Variants in ACAD10 observed in about 807,000 individuals in gnomAD.
The protein encoded by ACAD10 is acyl-CoA dehydrogenase family member 10.
Under a neutral mutation model 116.8 loss-of-function variants are expected in ACAD10, and 112 were observed. That is an observed-to-expected ratio of 0.96 (90% CI 0.82 to 1.12). ACAD10 has a LOEUF of 1.12. Among genes scored for constraint, ACAD10 ranks in the 50% most tolerant of loss-of-function variants. The pLI is 0.00. For synonymous variants in ACAD10, 486 were observed against 510.6 expected (o/e 0.95, Z 0.65); for missense variants, 1,259 against 1,350.2 (o/e 0.93, Z 1.06).
rs773387270 is a variant in ACAD10, at chr12:111,728,160, G to A, written c.1243+17G>A. The stretch of plus-strand genomic sequence containing the variant: ...GGAAGCAAGGTGAGCAGGAGGCCAC[G>A]TCTCCCATGCTGGTTGTTTCATCAC... On this transcript the variant is annotated intron_variant, in intron 9 of 20. Transcript: ENST00000313698. 41 of 1,580,454 alleles carry A rather than the reference G, an allele frequency of 2.6e-5. No homozygotes were observed. The highest frequency in any genetic ancestry group is 1.4e-4 in the South Asian group (12 of 85,608).
At chr12:111,707,510 T>G (rs1339453381) in intron 4 of ACAD10, among the ~76,000 whole-genome samples, 1 of 152,092 alleles carries the variant, frequency 6.6e-6, no homozygotes, top group Non-Finnish European at 1.5e-5. Flanking sequence ...CCTTTTAGAG[T>G]TGTGATGGAT....
chr12:111,706,226 G>A (rs964808064), intron 4 of ACAD10, among the ~76,000 whole-genome samples: 8 of 152,046 alleles, frequency 5.3e-5, no homozygotes, highest in South Asian at 2.1e-4. Context: ...CCCTCATATC[G>A]TAATGGATCC....
rs148107230 is a variant in ACAD10 at position 111,748,344 on chromosome 12, G to A, written c.2513G>A (p.Cys838Tyr). 1 of 1,614,108 alleles carries A rather than the reference G, an allele frequency of 6.2e-7. No homozygotes were observed. ...ATCCTGGATCCTCGTTGCCAACTCT[G>A]TGTGTTTATGGGAAAAACAGACCCA... ...TGILDPRCQL[C>Y]VFMGKTDPHA... is the part of the protein sequence containing the mutation. Residue 838 changes from cysteine to tyrosine, a missense_variant, in exon 17 of 21, where the codon TGT becomes TAT. Physicochemically the swap from Cys to Tyr is radical, Grantham distance 194. Transcript: ENST00000313698.
At chr12:111,748,209 G>A (rs1889970576) in intron 16 of ACAD10, 108 bp from the exon 17 acceptor site, 1 of 1,382,750 alleles carries the variant, frequency 7.2e-7, no homozygotes, top group African/African-American at 1.4e-5. Context: ...GCCTTAAAGA[G>A]CTCTGTCTGC....
intron 12 of ACAD10, among the ~76,000 whole-genome samples, chr12:111,740,782 C>CAAAAAAA (rs751899672): frequency 3.9e-5 from 2 of 51,034 alleles, no homozygotes; most frequent in African/African-American, 1.2e-4. Flanking sequence ...GACTCCATCT[C>CAAAAAAA]AAAAAAAAAA....
intron 3 of ACAD10, among the ~76,000 whole-genome samples, chr12:111,703,905 TTA>T (rs145548072): frequency 0.02 from 2,888 of 145,356 alleles, 80 homozygotes; most frequent in African/African-American, 0.058. Context: ...TTTCCACAAT[TTA>T]TATATATATA....
rs763049825 is a variant in ACAD10, at chr12:111,747,020, G to C, written c.2257-29G>C. The C allele has an allele frequency of 5.2e-6, 8 of 1,551,400 alleles. No homozygotes were observed. The South Asian group carries it at 9.8e-5, about 19-fold the overall frequency. On this transcript the variant is annotated intron_variant, in intron 14 of 20. Coordinates refer to ENST00000313698, the MANE Select transcript of ACAD10 (RefSeq NM_025247.6). ...GTTTTTTTTAGAAGAGGACATGACA[G>C]TCATGGTCACGCTCCTTTTCCTTCT...
chr12:111,704,367 C>G (rs1460519525), intron 3 of ACAD10, among the ~76,000 whole-genome samples: 2 of 152,070 alleles, frequency 1.3e-5, no homozygotes, highest in Non-Finnish European at 2.9e-5. Flanking sequence ...GTCTCGATCT[C>G]TTGACCTTGT....
intron 6 of ACAD10, among the ~76,000 whole-genome samples, chr12:111,714,339 C>G (rs1446400470): frequency 6.6e-6 from 1 of 152,096 alleles, no homozygotes; most frequent in African/African-American, 2.4e-5. Flanking sequence ...CACATTCCCC[C>G]CTCAGAAAAC....
intron 4 of ACAD10, among the ~76,000 whole-genome samples, chr12:111,708,164 A>G (rs1295298812): frequency 4.6e-5 from 7 of 152,190 alleles, no homozygotes; most frequent in Admixed American, 4.6e-4. Context: ...TTTGCCAAGA[A>G]AGTAATAGAA....
At chr12:111,734,404 G>C (rs1047133050) in intron 11 of ACAD10, among the ~76,000 whole-genome samples, 1 of 152,272 alleles carries the variant, frequency 6.6e-6, no homozygotes, top group African/African-American at 2.4e-5. Flanking sequence ...AAGGCGGGTG[G>C]ATCACAAGGT....
In ACAD10 at chr12:111,747,390, T is replaced by C; in HGVS notation, c.2485+5T>C. On this transcript the variant is annotated splice_donor_5th_base_variant and intron_variant, in intron 16 of 20. Coordinates refer to ENST00000313698, the MANE Select transcript of ACAD10 (RefSeq NM_025247.6). ...GTCACAAATGGTGGATCACAGGTAT[T>C]TGGCCTAAAATGCACTTTCCAAATG... 2 of 1,614,140 alleles carry C rather than the reference T, an allele frequency of 1.2e-6. No homozygotes were observed. The highest frequency in any genetic ancestry group is 1.7e-6 in the Non-Finnish European group (2 of 1,179,984).
intron 5 of ACAD10, chr12:111,709,907 A>C: frequency 1.9e-6 from 1 of 526,810 alleles, no homozygotes; most frequent in Non-Finnish European, 3.3e-6. Context: ...TTGAGAAAAG[A>C]GATGGGAAAG....
intron 6 of ACAD10, among the ~76,000 whole-genome samples, chr12:111,715,252 T>C (rs1888808342): frequency 6.6e-6 from 1 of 152,216 alleles, no homozygotes; most frequent in African/African-American, 2.4e-5. Context: ...CTTATGGAGC[T>C]GAGAATGAAT....
rs768930427 is a variant in ACAD10, at chr12:111,747,223, T to G, written c.2394+37T>G. 1.2e-5 allele frequency: 20 copies of G among 1,609,492 alleles called. No individual in the cohort carries two copies. In the Admixed American group the frequency reaches 3.3e-4, roughly 27 times the overall value. ...GGGCTGCCACCCACTTGCCTGGCCC[T>G]GTTGTTGTCGGCCCCACAGGGAACA... On this transcript the variant is annotated intron_variant, in intron 15 of 20. Transcript: ENST00000313698.
chr12:111,710,288 G>A (rs1031787909), intron 5 of ACAD10: 2 of 453,820 alleles, frequency 4.4e-6, no homozygotes, highest in Non-Finnish European at 8.8e-6. Flanking sequence ...GGGTTTTGCC[G>A]TGTTGCCCAA....
In ACAD10 at chr12:111,692,905, T is replaced by C; in HGVS notation, c.187+9T>C. The C allele has an allele frequency of 1.9e-6, 3 of 1,613,024 alleles. No homozygotes were observed. The highest frequency in any genetic ancestry group is 1.1e-5 in the South Asian group (1 of 90,984). ...AGGGAGAGTCGCTGCAGGTGAGCTA[T>C]TGATTCTGTTTCACTTTGTGGGACT... On this transcript the variant is annotated intron_variant, in intron 2 of 20. Transcript: ENST00000313698.
intron 7 of ACAD10, among the ~76,000 whole-genome samples, chr12:111,721,379 C>A (rs1290412727): frequency 1.3e-5 from 2 of 152,204 alleles, no homozygotes; most frequent in South Asian, 2.1e-4. Flanking sequence ...AACAGCCTGG[C>A]CAACATGGTG....
intron 1 of ACAD10, among the ~76,000 whole-genome samples, chr12:111,688,999 TG>T (rs879636003): frequency 1.6e-4 from 25 of 152,084 alleles, no homozygotes; most frequent in Non-Finnish European, 3.5e-4. Context: ...GAGACCATTC[TG>T]GCCAACATGG....
Sources: gnomAD v4.1 joint callset for allele counts (sites outside exome capture counted in the v4.1 genomes callset) on GRCh38, gnomAD v4.1.1 for gene constraint, MANE v1.5 for transcripts, NCBI Gene and HGNC (gene_info 2026-07-23, HGNC 2026-07-21) for gene names.